PSMD11: variants seen among roughly 807,000 people sequenced by gnomAD.
PSMD11 encodes the protein 26S proteasome non-ATPase regulatory subunit 11.
A neutral mutation model predicts 62.3 loss-of-function variants in PSMD11; 5 were observed. The ratio of observed to expected loss-of-function variants is 0.08; its 90% CI spans 0.04 to 0.17. PSMD11 has a LOEUF of 0.17. PSMD11 is among the 10% of genes least tolerant of loss of function. The pLI, the probability that PSMD11 is intolerant of heterozygous loss-of-function variation, is 1.00. For synonymous variants in PSMD11, 191 were observed against 191.8 expected, an observed-to-expected ratio of 1.00 and a Z score of 0.03; for missense variants, 310 against 512.9, an observed-to-expected ratio of 0.60 and a Z score of 3.82.
chr17:32,469,223 TTTTCTTAAAGCTCATCTTA>T (rs1908086516), intron 6 of PSMD11, 30 bp downstream of exon 6: 1 of 1,592,888 alleles, frequency 6.3e-7, no homozygotes, highest in Non-Finnish European at 8.6e-7. Flanking sequence ...CTGGGATGTG[TTTTCTTAAAGCTCATCTTA>T]TTTTATAGGT....
chr17:32,465,842 G>A (rs1304684566), intron 5 of PSMD11, among the ~76,000 whole-genome samples: 1 of 152,080 alleles, frequency 6.6e-6, no homozygotes, highest in Non-Finnish European at 1.5e-5. Context: ...GGACATGGTG[G>A]TGCACACCTG....
At position 32,482,936 on chromosome 17, in the gene PSMD11, A is replaced by C. The variant is rs751758609; in HGVS notation, c.*2184A>C. 11 of 152,186 alleles carry C rather than the reference A, an allele frequency of 7.2e-5. No individual in the cohort carries two copies. Among genetic ancestry groups the C allele is most frequent in the Non-Finnish European group, 1.6e-4 (11 of 68,050 alleles). 9.4% of individuals were successfully genotyped at this position (152,186 alleles called of 1,614,324 possible). On this transcript the variant is annotated 3_prime_UTR_variant, in exon 14 of 14. Transcript: ENST00000261712. Reference sequence around the variant, plus strand: ...GTCTCTGTATTTCACTTGCAGAAAGAGCTTTGCTTCTATAAAGGACTTTAA... The same window carrying C: ...GTCTCTGTATTTCACTTGCAGAAAGCGCTTTGCTTCTATAAAGGACTTTAA...
chr17:32,450,607 A>C (rs898083401), intron 2 of PSMD11, among the ~76,000 whole-genome samples: 2 of 151,904 alleles, frequency 1.3e-5, no homozygotes, highest in African/African-American at 4.8e-5. Flanking sequence ...TGGTCATATA[A>C]TTACAGATAA....
intron 6 of PSMD11, among the ~76,000 whole-genome samples, chr17:32,472,031 A>G (rs1471099562): frequency 6.6e-6 from 1 of 152,134 alleles, no homozygotes; most frequent in Non-Finnish European, 1.5e-5. Flanking sequence ...ATGTGCCACC[A>G]CGCCTGGCTA....
intron 6 of PSMD11, among the ~76,000 whole-genome samples, chr17:32,470,860 A>G (rs1057321661): frequency 2.0e-5 from 3 of 152,212 alleles, no homozygotes; most frequent in Non-Finnish European, 4.4e-5. Flanking sequence ...AGAGAAGAGC[A>G]GATATTCCTT....
intron 3 of PSMD11, 130 bp from the exon 4 acceptor site, chr17:32,463,919 T>G (rs912523074): frequency 1.2e-6 from 1 of 818,376 alleles, no homozygotes; most frequent in Non-Finnish European, 2.1e-6. Flanking sequence ...ATTGAGATAC[T>G]GTGGATCAGA....
At chr17:32,463,377 A>G (rs1907899112) in intron 3 of PSMD11, 1 of 152,152 alleles carries the variant, frequency 6.6e-6, no homozygotes, top group Non-Finnish European at 1.5e-5. Flanking sequence ...ATTTTTTTTA[A>G]GACTAGTCAA....
chr17:32,454,350 A>G (rs1362355572), intron 2 of PSMD11, 145 bp from the exon 3 acceptor site: 2 of 743,920 alleles, frequency 2.7e-6, no homozygotes, highest in Non-Finnish European at 4.3e-6. Flanking sequence ...TTTGCTAGGA[A>G]TGCTTTAAAC....
intron 1 of PSMD11, among the ~76,000 whole-genome samples, chr17:32,446,565 A>G (rs1907336733): frequency 6.6e-6 from 1 of 152,218 alleles, no homozygotes; most frequent in Admixed American, 6.5e-5. Flanking sequence ...CATGTTTAAT[A>G]TCTTCCCATA....
chr17:32,446,378 G>A (rs374552503), intron 1 of PSMD11, among the ~76,000 whole-genome samples: 1 of 152,214 alleles, frequency 6.6e-6, no homozygotes, highest in Non-Finnish European at 1.5e-5. Flanking sequence ...GTGTAGCTGT[G>A]CAGGATCTGG....
At chr17:32,470,881 T>TA (rs1455254626) in intron 6 of PSMD11, among the ~76,000 whole-genome samples, 1 of 152,202 alleles carries the variant, frequency 6.6e-6, no homozygotes, top group Non-Finnish European at 1.5e-5. Context: ...GAGGCCTCTA[T>TA]ACTTAACAGT....
At chr17:32,460,840 G>A (rs1907813811) in intron 3 of PSMD11, among the ~76,000 whole-genome samples, 1 of 151,886 alleles carries the variant, frequency 6.6e-6, no homozygotes, top group African/African-American at 2.4e-5. Flanking sequence ...GTTATGATCT[G>A]TTCATTTAAA....
intron 3 of PSMD11, among the ~76,000 whole-genome samples, chr17:32,461,577 A>G (rs1434271597): frequency 4.1e-5 from 3 of 73,208 alleles, no homozygotes; most frequent in Non-Finnish European, 7.6e-5. Flanking sequence ...GTCTCAAAAG[A>G]AAAGAAAAAA....
intron 3 of PSMD11, among the ~76,000 whole-genome samples, chr17:32,459,691 AGTCTTACTCT>A (rs1387406810): frequency 6.6e-6 from 1 of 152,042 alleles, no homozygotes; most frequent in African/African-American, 2.4e-5. Context: ...TTTGAGATGG[AGTCTTACTCT>A]GTCTCCCAGG....
intron 8 of PSMD11, among the ~76,000 whole-genome samples, chr17:32,475,820 T>G (rs2150839411): frequency 6.6e-6 from 1 of 151,592 alleles, no homozygotes; most frequent in South Asian, 2.1e-4. Flanking sequence ...CCCAAACTCC[T>G]AACCTCAAGT....
rs1168341514 is a variant in PSMD11, at chr17:32,482,211, C to T, written c.*1459C>T. The T allele has an allele frequency of 6.6e-6, 1 of 151,986 alleles. No individual in the cohort carries two copies. Among genetic ancestry groups the T allele is most frequent in the African/African-American group, 2.4e-5 (1 of 41,370 alleles). The allele number at this position is 151,986 out of a possible 1,614,324, so 9.4% of individuals were successfully genotyped here. A position where few individuals can be genotyped will look rare whatever the true frequency, so the allele number is the denominator to read the frequency against. On this transcript the variant is annotated 3_prime_UTR_variant, in exon 14 of 14. Coordinates refer to ENST00000261712, the MANE Select transcript of PSMD11 (RefSeq NM_002815.4). ...CTGAATCTGACTGGCTTTTATTTTC[C>T]TCTCCAAAATCAGGTTTTTGTTCTC...
intron 3 of PSMD11, chr17:32,463,535 A>G (rs1907905705): frequency 3.2e-5 from 5 of 157,220 alleles, no homozygotes; most frequent in Admixed American, 3.0e-4. Context: ...TTTAAGAGTG[A>G]TGATGAATTG....
intron 2 of PSMD11, among the ~76,000 whole-genome samples, chr17:32,451,634 A>G (rs1044727690): frequency 6.6e-6 from 1 of 152,244 alleles, no homozygotes; most frequent in Non-Finnish European, 1.5e-5. Flanking sequence ...CATCAGTGGT[A>G]GAGTTCTGGG....
rs578217320 is a variant in PSMD11 at position 32,476,450 on chromosome 17, A to G, written c.850-1071A>G. On this transcript the variant is annotated intron_variant, in intron 8 of 13. Coordinates refer to ENST00000261712, the MANE Select transcript of PSMD11 (RefSeq NM_002815.4). The stretch of plus-strand genomic sequence containing the variant: ...CTCATTTTGACACTTTTTTCTGTCT[A>G]TAGGACAAATGCTGGAGACAAACAC... 3.3e-5 allele frequency among the ~76,000 whole-genome samples: 5 copies of G among 152,266 alleles called. No homozygotes were observed. The South Asian group carries it at 1.0e-3, about 32-fold the overall frequency.
Sources: gnomAD v4.1 joint callset for allele counts (sites outside exome capture counted in the v4.1 genomes callset) on GRCh38, gnomAD v4.1.1 for gene constraint, MANE v1.5 for transcripts, NCBI Gene and HGNC (gene_info 2026-07-23, HGNC 2026-07-21) for gene names.